VPS9D1: variants seen among roughly 807,000 people sequenced by gnomAD.
The protein encoded by VPS9D1 is VPS9 domain containing 1.
VPS9D1 carries 78 observed loss-of-function variants against 75.8 expected under a neutral mutation model. That is an observed-to-expected ratio of 1.03 (90% CI 0.86 to 1.24). VPS9D1 has a LOEUF of 1.24. VPS9D1 is among the 50% of genes most tolerant of loss of function. The pLI is 0.00. For synonymous variants in VPS9D1, 481 were observed against 385.6 expected (o/e 1.25, Z -2.90); for missense variants, 1,057 against 847.7 (o/e 1.25, Z -3.07).
At chr16:89,713,312 T>C (rs2060983054) in intron 4 of VPS9D1, among the ~76,000 whole-genome samples, 1 of 151,620 alleles carries the variant, frequency 6.6e-6, no homozygotes, top group African/African-American at 2.4e-5. Flanking sequence ...TGGAGCGCAG[T>C]GGCGCAATCT....
At position 89,709,107 on chromosome 16, in the gene VPS9D1, C is replaced by T; in HGVS notation, c.1597+120G>A. On this transcript the variant is annotated intron_variant, in intron 12 of 14. Coordinates refer to ENST00000389386, the MANE Select transcript of VPS9D1 (RefSeq NM_004913.3). ...ATGTTGCTCAGACACCACTTTTGTTCTGGTCCCCCAACCTCCCCACCGGCA... is the reference window on the plus strand; with the variant it reads ...ATGTTGCTCAGACACCACTTTTGTTTTGGTCCCCCAACCTCCCCACCGGCA... 2.0e-6 allele frequency: 3 copies of T among 1,470,964 alleles called. No homozygotes were observed. The South Asian group carries it at 3.5e-5, about 17-fold the overall frequency. 91.1% of individuals were successfully genotyped at this position (1,470,964 alleles called of 1,614,324 possible).
At chr16:89,719,281 AGG>A in intron 1 of VPS9D1, 179 bp from the exon 2 acceptor site, 2 of 671,358 alleles carry the variant, frequency 3.0e-6, no homozygotes, top group Admixed American at 2.1e-5. Context: ...TTTTCTGCGC[AGG>A]GCACAGGCAG....
chr16:89,716,933 C>T (rs1253307712), intron 2 of VPS9D1, 111 bp from the exon 3 acceptor site: 1 of 973,970 alleles, frequency 1.0e-6, no homozygotes, highest in Non-Finnish European at 1.4e-6. Context: ...CCCCTCAGCA[C>T]CCCCACTGAC....
At chr16:89,718,962 C>A (rs1387646532) in intron 2 of VPS9D1, 65 bp downstream of exon 2, 3 of 1,424,036 alleles carry the variant, frequency 2.1e-6, no homozygotes, top group Non-Finnish European at 2.9e-6. Flanking sequence ...TGATAGCCCG[C>A]CTCTGCCTCC....
At position 89,717,206 on chromosome 16, in the gene VPS9D1, C is replaced by G. The variant is rs887887621; in HGVS notation, c.176-384G>C. 2.5e-5 allele frequency: 7 copies of G among 278,780 alleles called. No homozygotes were observed. The East Asian group carries it at 6.8e-4, about 27-fold the overall frequency. The allele number at this position is 278,780 out of a possible 1,614,324, so 17.3% of individuals were successfully genotyped here. A position where few individuals can be genotyped will look rare whatever the true frequency, so the allele number is the denominator to read the frequency against. The stretch of plus-strand genomic sequence containing the variant: ...CACCATGGACCCCAGGCAAGTCCCC[C>G]CACCCACGCATTTCTAATCATCTGC... On this transcript the variant is annotated intron_variant, in intron 2 of 14. Transcript: ENST00000389386.
At position 89,716,494 on chromosome 16, in the gene VPS9D1, C is replaced by G; in HGVS notation, c.399G>C (p.Lys133Asn). The change falls in exon 4 of 15, where the codon AAG becomes AAC. Residue 133 changes from lysine to asparagine, a missense_variant. Transcript: ENST00000389386. ...SPFLPPEIFQKLQGAESQSCK... is the reference protein window; with the variant it reads ...SPFLPPEIFQNLQGAESQSCK... ...AGCTTTGTGACTCTGCCCCCTGAAG[C>G]TTCTGGAAGATCTCGGGTGGCAGAA... 6.2e-7 allele frequency: 1 copy of G among 1,614,112 alleles called. No homozygotes were observed. Among genetic ancestry groups the G allele is most frequent in the Non-Finnish European group, 8.5e-7 (1 of 1,180,014 alleles).
intron 4 of VPS9D1, among the ~76,000 whole-genome samples, chr16:89,713,306 G>C (rs933594334): frequency 6.6e-6 from 1 of 151,354 alleles, no homozygotes; most frequent in African/African-American, 2.4e-5. Context: ...CCAGGCTGGA[G>C]CGCAGTGGCG....
At chr16:89,712,766 C>G (rs775692852) in intron 4 of VPS9D1, 50 bp from the exon 5 acceptor site, 21 of 1,454,872 alleles carry the variant, frequency 1.4e-5, no homozygotes, top group Non-Finnish European at 1.5e-5. Context: ...CCAGTGGTGT[C>G]TGGACACCAG....
chr16:89,720,472 C>A, intron 1 of VPS9D1: 11 of 1,094,392 alleles, frequency 1.0e-5, no homozygotes, highest in Non-Finnish European at 1.2e-5. Context: ...TGGAAGGTGG[C>A]CTGGCGGACC....
Position 89,716,457 on chromosome 16 carries a change from C to G in VPS9D1, c.431+5G>C, listed in dbSNP as rs373998543. Reference sequence around the variant, plus strand: ...TCATCCCACCTCCCATCTTGTCCATCTTACTTCTTACAGCTTTGTGACTCT... The same window carrying G: ...TCATCCCACCTCCCATCTTGTCCATGTTACTTCTTACAGCTTTGTGACTCT... On this transcript the variant is annotated splice_donor_5th_base_variant and intron_variant, in intron 4 of 14. Coordinates refer to ENST00000389386, the MANE Select transcript of VPS9D1 (RefSeq NM_004913.3). 1.9e-6 allele frequency: 3 copies of G among 1,613,944 alleles called. No homozygotes were observed. Among genetic ancestry groups the G allele is most frequent in the Non-Finnish European group, 2.5e-6 (3 of 1,179,960 alleles).
In VPS9D1 at chr16:89,709,812, G is replaced by T; in HGVS notation, c.1353C>A (p.Phe451Leu). The T allele has an allele frequency of 6.2e-7, 1 of 1,613,722 alleles. No individual in the cohort carries two copies. Among genetic ancestry groups the T allele is most frequent in the African/African-American group, 1.3e-5 (1 of 74,976 alleles). ...CCAGCAGCAGAGGCCACAGCGGGGA[G>T]AAAAAGGGTTCCTCAATGCAGGCCA... ...RCLACIEEPF[F>L]SPLWPLLLAL... Residue 451 changes from phenylalanine (F) to leucine (L), a missense_variant, in exon 11 of 15, where the codon TTC becomes TTA. Phe to Leu is a conservative substitution (Grantham distance 22). Coordinates refer to ENST00000389386, the MANE Select transcript of VPS9D1 (RefSeq NM_004913.3).
At chr16:89,720,064 C>T (rs1195477545) in intron 1 of VPS9D1, among the ~76,000 whole-genome samples, 1 of 152,208 alleles carries the variant, frequency 6.6e-6, no homozygotes, top group East Asian at 1.9e-4. Context: ...AGTTTCCTAT[C>T]TTTAAGTCTA....
At position 89,709,412 on chromosome 16, in the gene VPS9D1, GCCT is replaced by G. The variant is rs778607935; in HGVS notation, c.1409_1411del (p.Glu470del). 14 of 1,519,742 alleles carry G rather than the reference GCCT, an allele frequency of 9.2e-6. No individual in the cohort carries two copies. The East Asian group carries it at 3.2e-4, about 34-fold the overall frequency. The allele number at this position is 1,519,742 out of a possible 1,614,324, so 94.1% of individuals were successfully genotyped here. ...GAGCTCCATGCTCCTGCTCAGGGCA[GCCT>G]CCCGGGCTCGGTGCACGCTCCTGGG... is the stretch of plus-strand genomic sequence containing the variant. On this transcript the variant is annotated inframe_deletion, in exon 12 of 15. Coordinates refer to ENST00000389386, the MANE Select transcript of VPS9D1 (RefSeq NM_004913.3).
In VPS9D1 at chr16:89,720,822, G is replaced by T; in HGVS notation, c.40C>A (p.Gln14Lys). Residue 14 changes from glutamine (Q) to lysine (K), a missense_variant, in exon 1 of 15, where the codon CAG (glutamine) becomes AAG (lysine). Coordinates refer to ENST00000389386, the MANE Select transcript of VPS9D1 (RefSeq NM_004913.3). Reference protein sequence around the residue: ...AAGDGTVKPLQSAMKLANGAI... With the variant: ...AAGDGTVKPLKSAMKLANGAI... ...CCGTTGGCAAGCTTCATGGCGCTCTGCAGCGGCTTCACCGTGCCGTCCCCG... is the reference window on the plus strand; with the variant it reads ...CCGTTGGCAAGCTTCATGGCGCTCTTCAGCGGCTTCACCGTGCCGTCCCCG... 1 of 1,450,786 alleles carries T rather than the reference G, an allele frequency of 6.9e-7. No individual in the cohort carries two copies. Among genetic ancestry groups the T allele is most frequent in the Non-Finnish European group, 9.1e-7 (1 of 1,097,464 alleles). 89.9% of individuals were successfully genotyped at this position (1,450,786 alleles called of 1,614,324 possible). A position where few individuals can be genotyped will look rare whatever the true frequency, so the allele number is the denominator to read the frequency against.
At chr16:89,714,646 T>C (rs1407184555) in intron 4 of VPS9D1, among the ~76,000 whole-genome samples, 1 of 152,270 alleles carries the variant, frequency 6.6e-6, no homozygotes, top group East Asian at 1.9e-4. Context: ...TGGGAGTCAC[T>C]GGGCTTTTTG....
At position 89,710,752 on chromosome 16, in the gene VPS9D1, T is replaced by TGAGG; in HGVS notation, c.1088_1091dup (p.Pro365LeufsTer28). On this transcript the variant is annotated frameshift_variant, in exon 10 of 15. Transcript: ENST00000389386. LOFTEE classifies it high-confidence loss of function. ...ATCCAGATGCGGTGTCCCCCAGGGGTGAGGGAGACCCCACGGGGCCGGGTT... is the reference window on the plus strand; with the variant it reads ...ATCCAGATGCGGTGTCCCCCAGGGGTGAGGGAGGGAGACCCCACGGGGCCGGGTT... 6.4e-7 allele frequency: 1 copy of TGAGG among 1,573,648 alleles called. No individual in the cohort carries two copies. Among genetic ancestry groups the TGAGG allele is most frequent in the African/African-American group, 1.4e-5 (1 of 73,808 alleles).
At chr16:89,715,231 T>C (rs1373302049) in intron 4 of VPS9D1, among the ~76,000 whole-genome samples, 1 of 150,772 alleles carries the variant, frequency 6.6e-6, no homozygotes, top group African/African-American at 2.4e-5. Context: ...CTAAATTTTT[T>C]TTTTTTTTTT....
At chr16:89,718,087 T>G (rs916544826) in intron 2 of VPS9D1, 1 of 455,284 alleles carries the variant, frequency 2.2e-6, no homozygotes. Flanking sequence ...CTATGTCCAG[T>G]GGCTCCCCCT....
Position 89,719,006 on chromosome 16 carries a change from G to A in VPS9D1, c.175+21C>T, listed in dbSNP as rs377452292. ...TGGGATTACAGGCGTGAGCCACCGC[G>A]CCCGGCTGGCTGAGCCGTACCTTTA... On this transcript the variant is annotated intron_variant, in intron 2 of 14. Coordinates refer to ENST00000389386, the MANE Select transcript of VPS9D1 (RefSeq NM_004913.3). The A allele has an allele frequency of 1.7e-4, 279 of 1,608,288 alleles. 1 individual carries two copies. The Middle Eastern group carries it at 1.8e-3, about 10-fold the overall frequency.
Sources: allele counts gnomAD v4.1 joint callset (sites outside exome capture counted in the v4.1 genomes callset), GRCh38; gene constraint gnomAD v4.1.1; transcripts MANE v1.5; gene names NCBI Gene and HGNC (gene_info 2026-07-23, HGNC 2026-07-21).